The following KMT2C variants were observed in gnomAD, a reference collection of about 807,000 sequenced individuals.
KMT2C encodes the protein histone-lysine N-methyltransferase 2C.
KMT2C carries 88 observed loss-of-function variants against 507.9 expected under a neutral mutation model. The observed-to-expected ratio is 0.17, with a 90% CI of 0.15 to 0.21. The LOEUF is 0.21. KMT2C is among the 10% of genes least tolerant of loss of function. KMT2C has a pLI of 1.00. For synonymous variants in KMT2C, 2,049 were observed against 2,080.8 expected (o/e 0.98, Z 0.42); for missense variants, 4,954 against 5,957.8 (o/e 0.83, Z 5.55).
At position 152,435,832 on chromosome 7, in the gene KMT2C, GGGCTCCCGCCGCCGC is replaced by G. The variant is rs1388369379; in HGVS notation, c.-61_-47del. On this transcript the variant is annotated 5_prime_UTR_variant, in exon 1 of 59. Transcript: ENST00000262189. ...CATGGATCCCGGTCCTCCTCCTGGG[GGGCTCCCGCCGCCGC>G]GGCCGCCGCCGCCGCCGCTGCTGCT... 1.0e-5 allele frequency: 14 copies of G among 1,377,800 alleles called. No individual in the cohort carries two copies. Among genetic ancestry groups the G allele is most frequent in the Non-Finnish European group, 1.1e-5 (12 of 1,064,086 alleles). 85.3% of individuals were successfully genotyped at this position (1,377,800 alleles called of 1,614,324 possible).
intron 49 of KMT2C, 72 bp downstream of exon 49, chr7:152,152,633 G>T (rs539781500): frequency 6.5e-7 from 1 of 1,542,314 alleles, no homozygotes; most frequent in Non-Finnish European, 8.9e-7. Context: ...AAGATAATCA[G>T]TATCTCAAAG....
chr7:152,352,090 C>A (rs2097115587), intron 2 of KMT2C, among the ~76,000 whole-genome samples: 1 of 152,188 alleles, frequency 6.6e-6, no homozygotes, highest in South Asian at 2.1e-4. Flanking sequence ...TTTTTCTCAG[C>A]AAGGAACATC....
chr7:152,211,436 G>C (rs185720094), intron 23 of KMT2C, among the ~76,000 whole-genome samples: 39 of 152,272 alleles, frequency 2.6e-4, no homozygotes, highest in African/African-American at 8.9e-4. Context: ...ACACAGGAGA[G>C]AACAGAAGAT....
chr7:152,156,387 G>A (rs773655877), intron 44 of KMT2C, 41 bp from the exon 45 acceptor site: 20 of 1,606,112 alleles, frequency 1.2e-5, no homozygotes, highest in Admixed American at 3.4e-5. Context: ...GCTACTGAGC[G>A]AATATGCAAT....
At chr7:152,161,830 C>T (rs1411452502) in intron 43 of KMT2C, among the ~76,000 whole-genome samples, 3 of 152,166 alleles carry the variant, frequency 2.0e-5, no homozygotes, top group African/African-American at 7.2e-5. Context: ...TTGCTTTAGT[C>T]ATATCAACTC....
At chr7:152,157,714 T>C (rs376437446) in intron 44 of KMT2C, 7 of 1,102,754 alleles carry the variant, frequency 6.3e-6, no homozygotes, top group East Asian at 7.7e-5. Context: ...AATTCTGACA[T>C]GTTACCCAAA....
intron 6 of KMT2C, among the ~76,000 whole-genome samples, chr7:152,284,359 A>G (rs1005539888): frequency 1.3e-5 from 2 of 152,168 alleles, no homozygotes; most frequent in Non-Finnish European, 2.9e-5. Context: ...AGAGCAATAA[A>G]TAGTCTTTTA....
At chr7:152,393,412 A>G (rs2097515540) in intron 1 of KMT2C, among the ~76,000 whole-genome samples, 1 of 152,204 alleles carries the variant, frequency 6.6e-6, no homozygotes, top group South Asian at 2.1e-4. Context: ...TTTACAAATC[A>G]TTTAAAAAGG....
intron 6 of KMT2C, among the ~76,000 whole-genome samples, chr7:152,279,368 AAAAT>A (rs1350461629): frequency 6.6e-6 from 1 of 152,218 alleles, no homozygotes; most frequent in African/African-American, 2.4e-5. Flanking sequence ...CTAAAGAATT[AAAAT>A]AAATAATGCC....
At chr7:152,385,270 T>G (rs1200573729) in intron 1 of KMT2C, among the ~76,000 whole-genome samples, 1 of 151,578 alleles carries the variant, frequency 6.6e-6, no homozygotes, top group African/African-American at 2.4e-5. Flanking sequence ...TCCTACAGAT[T>G]AAGACACTTA....
chr7:152,383,865 G>A (rs796628068), intron 1 of KMT2C, among the ~76,000 whole-genome samples: 1 of 147,448 alleles, frequency 6.8e-6, no homozygotes, highest in Non-Finnish European at 1.5e-5. Context: ...ACTCATCATC[G>A]TCATTACTCC....
At chr7:152,327,529 A>G (rs1413016824) in intron 3 of KMT2C, among the ~76,000 whole-genome samples, 1 of 152,226 alleles carries the variant, frequency 6.6e-6, no homozygotes, top group Non-Finnish European at 1.5e-5. Context: ...GTACCTCTCA[A>G]TACCACATAT....
rs1173520649 is a variant in KMT2C, at chr7:152,141,167, G to A, written c.14344-1376C>T. ...AGCCAAGAGAATTGCTTGAGCCCCA[G>A]AGGCAGAGGTTGCAGTGAGCTGAGA... is the stretch of plus-strand genomic sequence containing the variant. On this transcript the variant is annotated intron_variant, in intron 55 of 58. Coordinates refer to ENST00000262189, the MANE Select transcript of KMT2C (RefSeq NM_170606.3). Among the ~76,000 whole-genome samples the A allele has an allele frequency of 2.0e-5, 3 of 152,278 alleles. No homozygotes were observed. In the East Asian group the frequency reaches 5.8e-4, roughly 29 times the overall value.
intron 2 of KMT2C, among the ~76,000 whole-genome samples, 162 bp downstream of exon 2, chr7:152,358,425 T>C (rs769626259): frequency 1.3e-5 from 2 of 152,210 alleles, no homozygotes; most frequent in Non-Finnish European, 1.5e-5. Context: ...CTCAGTTTTT[T>C]CACTTTGTCA....
At chr7:152,411,002 C>CA (rs957998055) in intron 1 of KMT2C, among the ~76,000 whole-genome samples, 4 of 150,628 alleles carry the variant, frequency 2.7e-5, no homozygotes, top group Admixed American at 6.6e-5. Context: ...GACCAAGTCT[C>CA]AAAAAAAATA....
intron 25 of KMT2C, among the ~76,000 whole-genome samples, chr7:152,203,391 A>G (rs916555555): frequency 6.6e-6 from 1 of 152,056 alleles, no homozygotes; most frequent in Non-Finnish European, 1.5e-5. Context: ...CGAAATGGCA[A>G]CTTATAAACT....
At chr7:152,312,104 G>C (rs930270803) in intron 4 of KMT2C, 158 bp from the exon 5 acceptor site, 5 of 471,992 alleles carry the variant, frequency 1.1e-5, no homozygotes, top group African/African-American at 9.9e-5. Flanking sequence ...TATTATCCAT[G>C]GTATAATATT....
At chr7:152,311,050 G>A (rs956917461) in intron 5 of KMT2C, among the ~76,000 whole-genome samples, 2 of 152,100 alleles carry the variant, frequency 1.3e-5, no homozygotes, top group Non-Finnish European at 2.9e-5. Context: ...AAGAATAACT[G>A]AATTAGTGAT....
intron 1 of KMT2C, among the ~76,000 whole-genome samples, chr7:152,406,840 G>GGT (rs374326275): frequency 0.08 from 7,504 of 94,362 alleles, no homozygotes; most frequent in Middle Eastern, 0.17. Context: ...TTATTTTTTG[G>GGT]TTTTTTTTTT....
Sources: gnomAD v4.1 joint callset for allele counts (sites outside exome capture counted in the v4.1 genomes callset) on GRCh38, gnomAD v4.1.1 for gene constraint, MANE v1.5 for transcripts, NCBI Gene and HGNC (gene_info 2026-07-23, HGNC 2026-07-21) for gene names.